GNA15: variants seen among roughly 807,000 people sequenced by gnomAD.
GNA15 encodes G protein subunit alpha 15.
A neutral mutation model predicts 40.1 loss-of-function variants in GNA15; 23 were observed. That is an observed-to-expected ratio of 0.57 (90% CI 0.41 to 0.81). The LOEUF is 0.81. Ranked by LOEUF, GNA15 falls within the 40% of genes least tolerant of loss-of-function variation. The pLI, the probability that GNA15 is intolerant of heterozygous loss-of-function variation, is 0.00. For missense variants in GNA15, 522 were observed against 515.8 expected (o/e 1.01, Z -0.12); for synonymous variants, 226 against 210.4 (o/e 1.07, Z -0.64).
At position 3,144,721 on chromosome 19, in the gene GNA15, G is replaced by A. The variant is rs540721738; in HGVS notation, c.146-3870G>A. ...TTTTTTGTATTTTTAGTAGAGACGGGGTTTCACCGTGTTAGCCAGGATGGT... is the reference window on the plus strand; with the variant it reads ...TTTTTTGTATTTTTAGTAGAGACGGAGTTTCACCGTGTTAGCCAGGATGGT... On this transcript the variant is annotated intron_variant, in intron 1 of 6. Transcript: ENST00000262958. Among the ~76,000 whole-genome samples, 151 of 151,688 alleles carry A rather than the reference G, an allele frequency of 1.0e-3. 2 individuals carry two copies. The South Asian group carries it at 0.014, about 14-fold the overall frequency.
At chr19:3,148,488 C>A in intron 1 of GNA15, 103 bp from the exon 2 acceptor site, 1 of 1,189,458 alleles carries the variant, frequency 8.4e-7, no homozygotes, top group Non-Finnish European at 1.2e-6. Flanking sequence ...GGGTTTGAAC[C>A]CAGGAGGCCT....
Position 3,149,096 on chromosome 19 carries a change from C to T in GNA15, c.330+321C>T, listed in dbSNP as rs1009646145. 7 of 334,870 alleles carry T rather than the reference C, an allele frequency of 2.1e-5. No homozygotes were observed. In the Admixed American group the frequency reaches 3.1e-4, roughly 15 times the overall value. 20.7% of individuals were successfully genotyped at this position (334,870 alleles called of 1,614,324 possible). A position where few individuals can be genotyped will look rare whatever the true frequency, so the allele number is the denominator to read the frequency against. ...CCACATGCACACACCCACACACATACACAAATGAATGCACACACGTGCACA... is the reference window on the plus strand; with the variant it reads ...CCACATGCACACACCCACACACATATACAAATGAATGCACACACGTGCACA... On this transcript the variant is annotated intron_variant, in intron 2 of 6. Transcript: ENST00000262958.
At position 3,157,737 on chromosome 19, in the gene GNA15, A is replaced by C. The variant is rs1351158900; in HGVS notation, c.754A>C (p.Lys252Gln). ...LEENNQENRMKESLALFGTIL... is the reference protein window; with the variant it reads ...LEENNQENRMQESLALFGTIL... Reference sequence around the variant, plus strand: ...TCTGCCCCCAACACAGAACCGCATGAAGGAGAGCCTCGCATTGTTTGGGAC... The same window carrying C: ...TCTGCCCCCAACACAGAACCGCATGCAGGAGAGCCTCGCATTGTTTGGGAC... Residue 252 changes from lysine (K) to glutamine (Q), a missense_variant, in exon 6 of 7, where the codon AAG becomes CAG. By Grantham distance (53) the Lys-to-Gln change is moderately conservative. Coordinates refer to ENST00000262958, the MANE Select transcript of GNA15 (RefSeq NM_002068.4). The C allele has an allele frequency of 6.2e-7, 1 of 1,614,012 alleles. No homozygotes were observed.
chr19:3,162,557 T>A lies in GNA15; in HGVS notation c.899-236T>A, dbSNP rs544504872. Among the ~76,000 whole-genome samples the A allele has an allele frequency of 2.0e-5, 3 of 152,304 alleles. No individual in the cohort carries two copies. The South Asian group carries it at 6.2e-4, about 32-fold the overall frequency. ...TTCTGCCCGAAGTCCCAGAGCTGGG[T>A]CTCATTGGTCCATTTCAGGTCACAT... On this transcript the variant is annotated intron_variant, in intron 6 of 6. Transcript: ENST00000262958.
intron 4 of GNA15, among the ~76,000 whole-genome samples, chr19:3,154,730 G>T (rs1914971221): frequency 6.6e-6 from 1 of 151,362 alleles, no homozygotes; most frequent in South Asian, 2.1e-4. Flanking sequence ...TGGGTGGATG[G>T]ATGAGTGGGT....
intron 1 of GNA15, among the ~76,000 whole-genome samples, chr19:3,148,080 T>G (rs2144850314): frequency 6.6e-6 from 1 of 151,872 alleles, no homozygotes; most frequent in African/African-American, 2.4e-5. Flanking sequence ...GTTTTGTTTT[T>G]TTTGTTTGTT....
At chr19:3,148,545 T>C (rs1599324220) in intron 1 of GNA15, 46 bp from the exon 2 acceptor site, 1 of 1,422,566 alleles carries the variant, frequency 7.0e-7, no homozygotes, top group Admixed American at 2.2e-5. Context: ...GTGTCGGGGG[T>C]GGGAGTCCCG....
rs547183876 is a variant in GNA15, at chr19:3,163,218, G to A, written c.*199G>A. ...CGCCCCCCAGGGTACTCCTGCCCTTGCTTGACTCAGTTTCCCTCCTTTGAA... is the reference window on the plus strand; with the variant it reads ...CGCCCCCCAGGGTACTCCTGCCCTTACTTGACTCAGTTTCCCTCCTTTGAA... On this transcript the variant is annotated 3_prime_UTR_variant, in exon 7 of 7. Transcript: ENST00000262958. 312 of 586,910 alleles carry A rather than the reference G, an allele frequency of 5.3e-4. No individual in the cohort carries two copies. Among genetic ancestry groups the A allele is most frequent in the Non-Finnish European group, 8.0e-4 (263 of 328,912 alleles). 36.4% of individuals were successfully genotyped at this position (586,910 alleles called of 1,614,324 possible).
chr19:3,150,642 C>T (rs1914858051), intron 3 of GNA15, among the ~76,000 whole-genome samples: 1 of 152,048 alleles, frequency 6.6e-6, no homozygotes, highest in African/African-American at 2.4e-5. Context: ...AGACCCTGTT[C>T]TAGGGGGTAT....
chr19:3,156,035 G>A (rs1174928762), intron 5 of GNA15, 83 bp downstream of exon 5: 1 of 1,330,324 alleles, frequency 7.5e-7, no homozygotes, highest in African/African-American at 1.5e-5. Flanking sequence ...CAGAAAGGGA[G>A]GGATCCCTGC....
chr19:3,145,359 ATT>A (rs71179976), intron 1 of GNA15, among the ~76,000 whole-genome samples: 6 of 46,968 alleles, frequency 1.3e-4, no homozygotes, highest in East Asian at 5.1e-4. Flanking sequence ...ATATATATAT[ATT>A]TTTTTTTTTT....
intron 1 of GNA15, among the ~76,000 whole-genome samples, chr19:3,145,847 C>T (rs1043020929): frequency 3.3e-5 from 5 of 151,508 alleles, no homozygotes; most frequent in Middle Eastern, 3.2e-3. Context: ...TGTGCCCAGC[C>T]GAGAAAAGCC....
chr19:3,158,648 GTC>G (rs984553134), intron 6 of GNA15, among the ~76,000 whole-genome samples: 5 of 151,964 alleles, frequency 3.3e-5, no homozygotes, highest in African/African-American at 1.2e-4. Flanking sequence ...TTGAGACAGA[GTC>G]TCACTCTGTC....
chr19:3,147,413 C>T (rs1197413419), intron 1 of GNA15, among the ~76,000 whole-genome samples: 1 of 151,802 alleles, frequency 6.6e-6, no homozygotes, highest in Non-Finnish European at 1.5e-5. Context: ...ATTAACTAGG[C>T]GTGGTGGCAC....
intron 6 of GNA15, among the ~76,000 whole-genome samples, chr19:3,160,947 T>G (rs943577952): frequency 2.0e-5 from 3 of 149,382 alleles, no homozygotes; most frequent in Non-Finnish European, 4.5e-5. Context: ...CTTTTTTTTT[T>G]TTTTTTTTTT....
rs1333900290 is a variant in GNA15 at position 3,136,635 on chromosome 19, G to C, written c.145+40G>C. Reference sequence around the variant, plus strand: ...GGTGGGCGGTGGGTGGTGGGCAGTGGGCGGTGGCCAGCCGGCAGGGGTGTC... The same window carrying C: ...GGTGGGCGGTGGGTGGTGGGCAGTGCGCGGTGGCCAGCCGGCAGGGGTGTC... On this transcript the variant is annotated intron_variant, in intron 1 of 6. Transcript: ENST00000262958. This position sits in a 1 kb window ranked among gnomAD's most constrained non-coding sequence, Gnocchi z 4.9. 1 of 1,529,892 alleles carries C rather than the reference G, an allele frequency of 6.5e-7. No homozygotes were observed. Among genetic ancestry groups the C allele is most frequent in the Admixed American group, 2.0e-5 (1 of 50,550 alleles). The allele number at this position is 1,529,892 out of a possible 1,614,324, so 94.8% of individuals were successfully genotyped here.
At chr19:3,147,762 C>T (rs939243930) in intron 1 of GNA15, among the ~76,000 whole-genome samples, 3 of 150,984 alleles carry the variant, frequency 2.0e-5, no homozygotes, top group Non-Finnish European at 4.4e-5. Context: ...TGGCGGGTGC[C>T]TGTAGTCCCA....
chr19:3,148,049 G>T (rs1914776238), intron 1 of GNA15, among the ~76,000 whole-genome samples: 1 of 151,162 alleles, frequency 6.6e-6, no homozygotes, highest in Non-Finnish European at 1.5e-5. Flanking sequence ...GATGCAGCAG[G>T]CATGGTCTGT....
chr19:3,156,311 A>G (rs1915018333), intron 5 of GNA15, among the ~76,000 whole-genome samples: 1 of 151,968 alleles, frequency 6.6e-6, no homozygotes, highest in African/African-American at 2.4e-5. Context: ...GTACACACGC[A>G]GTGCACATGC....
Sources: gnomAD v4.1 joint callset for allele counts (sites outside exome capture counted in the v4.1 genomes callset) on GRCh38, gnomAD v4.1.1 for gene constraint, Gnocchi (gnomAD v3.1) non-coding constraint, MANE v1.5 for transcripts, NCBI Gene and HGNC (gene_info 2026-07-23, HGNC 2026-07-21) for gene names.